The following FRMPD2 variants were observed in gnomAD, a reference collection of about 807,000 sequenced individuals.
FRMPD2 encodes the protein FERM and PDZ domain containing 2.
FRMPD2 carries 96 observed loss-of-function variants against 140.1 expected under a neutral mutation model. The observed-to-expected ratio is 0.69, with a 90% CI of 0.58 to 0.81. FRMPD2 has a LOEUF of 0.81. FRMPD2 is among the 40% of genes least tolerant of loss of function. The probability of loss-of-function intolerance (pLI) is 0.00; values close to 1 mark genes in which losing one functional copy is unlikely to be tolerated. For synonymous variants in FRMPD2, 449 were observed against 547.6 expected, an observed-to-expected ratio of 0.82 and a Z score of 2.52; for missense variants, 1,240 against 1,447.4, an observed-to-expected ratio of 0.86 and a Z score of 2.32.
At chr10:48,241,956 C>T in intron 5 of FRMPD2, 1 of 390,108 alleles carries the variant, frequency 2.6e-6, no homozygotes, top group African/African-American at 2.0e-5. Flanking sequence ...AATAGAACTG[C>T]AATGACAAGA....
In FRMPD2 at chr10:48,213,181, T is replaced by C. The variant is rs1297832727; in HGVS notation, c.1456-1072A>G. Among the ~76,000 whole-genome samples the C allele has an allele frequency of 3.3e-5, 5 of 152,206 alleles. No homozygotes were observed. The East Asian group carries it at 7.7e-4, about 23-fold the overall frequency. ...GATGTAGCATGTCCCCATGTGGCCATGGACCAAGAATCCTCAGGTTGGTGC... is the reference window on the plus strand; with the variant it reads ...GATGTAGCATGTCCCCATGTGGCCACGGACCAAGAATCCTCAGGTTGGTGC... On this transcript the variant is annotated intron_variant, in intron 12 of 28. Coordinates refer to ENST00000374201, the MANE Select transcript of FRMPD2 (RefSeq NM_001018071.4).
intron 16 of FRMPD2, among the ~76,000 whole-genome samples, chr10:48,191,708 A>C (rs1838834048): frequency 6.6e-6 from 1 of 152,166 alleles, no homozygotes; most frequent in Admixed American, 6.5e-5. Context: ...AGCAACCTTC[A>C]TTGGTCATAT....
Position 48,237,972 on chromosome 10 carries a change from T to A in FRMPD2, c.921+19A>T, listed in dbSNP as rs1840008215. On this transcript the variant is annotated intron_variant, in intron 8 of 28. Coordinates refer to ENST00000374201, the MANE Select transcript of FRMPD2 (RefSeq NM_001018071.4). ...CTCAAGCCTCCTTGAGGAGTGTCCT[T>A]CAGCCTTATTTTGCTTACCTTGCTC... 6.2e-7 allele frequency: 1 copy of A among 1,613,986 alleles called. No individual in the cohort carries two copies. Among genetic ancestry groups the A allele is most frequent in the Non-Finnish European group, 8.5e-7 (1 of 1,179,998 alleles).
chr10:48,270,038 T>G (rs1840740370), intron 1 of FRMPD2, among the ~76,000 whole-genome samples: 1 of 152,142 alleles, frequency 6.6e-6, no homozygotes, highest in Non-Finnish European at 1.5e-5. Context: ...AAACCGAAAG[T>G]GACTATTTCT....
At chr10:48,203,621 T>C (rs1296293669) in intron 14 of FRMPD2, among the ~76,000 whole-genome samples, 1 of 152,206 alleles carries the variant, frequency 6.6e-6, no homozygotes, top group Admixed American at 6.5e-5. Flanking sequence ...GGAGTTCTTT[T>C]TTTTCTGTTG....
chr10:48,228,562 G>A (rs1839777435), intron 10 of FRMPD2, among the ~76,000 whole-genome samples: 1 of 151,928 alleles, frequency 6.6e-6, no homozygotes, highest in Non-Finnish European at 1.5e-5. Flanking sequence ...AATGTGCTAT[G>A]AGGAAGCATA....
At chr10:48,237,630 C>T (rs1221771400) in intron 8 of FRMPD2, among the ~76,000 whole-genome samples, 1 of 152,096 alleles carries the variant, frequency 6.6e-6, no homozygotes, top group Admixed American at 6.5e-5. Flanking sequence ...ATCTATGCTC[C>T]CACCTTTCAC....
intron 15 of FRMPD2, among the ~76,000 whole-genome samples, chr10:48,198,256 AT>A (rs912863583): frequency 1.3e-5 from 2 of 152,210 alleles, no homozygotes; most frequent in Non-Finnish European, 2.9e-5. Context: ...TAACAGTAAC[AT>A]TTTGGTGCAG....
At chr10:48,213,530 T>A (rs1204872320) in intron 12 of FRMPD2, among the ~76,000 whole-genome samples, 2 of 152,356 alleles carry the variant, frequency 1.3e-5, no homozygotes, top group East Asian at 3.9e-4. Flanking sequence ...TGCACACAGA[T>A]GTTTATAACA....
Position 48,249,097 on chromosome 10 carries a change from T to C in FRMPD2, c.233A>G (p.His78Arg), listed in dbSNP as rs186710350. ...GGCCTTGAAAGGAGCAGCCTCTATATGAGAAACACGGCCTTGGAAAGAAAG... is the reference window on the plus strand; with the variant it reads ...GGCCTTGAAAGGAGCAGCCTCTATACGAGAAACACGGCCTTGGAAAGAAAG... ...GSLSFQGRVS[H>R]IEAAPFKAPE... Residue 78 changes from histidine to arginine, a missense_variant, in exon 3 of 29, where the codon CAT (histidine) becomes CGT (arginine). His to Arg is a conservative substitution (Grantham distance 29). This residue lies in a region of FRMPD2 where 1,161 missense variants were observed against 1,055.9 expected (regional missense o/e 1.10). Transcript: ENST00000374201. 2 of 1,613,860 alleles carry C rather than the reference T, an allele frequency of 1.2e-6. No individual in the cohort carries two copies. Among genetic ancestry groups the C allele is most frequent in the African/African-American group, 1.3e-5 (1 of 74,904 alleles).
intron 2 of FRMPD2, 93 bp downstream of exon 2, chr10:48,251,473 A>ATAAAAAAATTTT (rs141795119): frequency 1.3e-6 from 2 of 1,516,384 alleles, no homozygotes; most frequent in African/African-American, 2.8e-5. Context: ...TCAGAGGTTG[A>ATAAAAAAATTTT]TTTAAAAAAG....
chr10:48,187,132 A>G (rs1838706876), intron 17 of FRMPD2, 60 bp downstream of exon 17: 1 of 1,177,562 alleles, frequency 8.5e-7, no homozygotes, highest in Non-Finnish European at 1.2e-6. Context: ...AAAAGACTCA[A>G]AGCAAGCTTC....
chr10:48,177,847 G>T, intron 22 of FRMPD2, 200 bp downstream of exon 22: 1 of 455,716 alleles, frequency 2.2e-6, no homozygotes, highest in South Asian at 2.4e-5. Flanking sequence ...TGCATGCCCT[G>T]CTCATCCTGA....
chr10:48,192,707 A>G lies in FRMPD2; in HGVS notation c.2142T>C (p.Ala714=), dbSNP rs1838858972. The G allele has an allele frequency of 6.2e-7, 1 of 1,614,140 alleles. No individual in the cohort carries two copies. The highest frequency in any genetic ancestry group is 1.7e-4 in the Middle Eastern group (1 of 6,050). Residue 714 remains alanine, a synonymous_variant, in exon 16 of 29, where the codon GCT becomes GCC. Coordinates refer to ENST00000374201, the MANE Select transcript of FRMPD2 (RefSeq NM_001018071.4). ...ACCTGCGCCCGATGCCTTCTGCTCC[A>G]GCCTCCTTGCTGCCGTCCACGTTGA... The part of the protein sequence containing the change: ...DNFNVDGSKE[A]GAEGIGRSPC...
intron 6 of FRMPD2, 107 bp downstream of exon 6, chr10:48,240,253 T>C (rs953939409): frequency 8.5e-5 from 108 of 1,271,586 alleles, no homozygotes; most frequent in Non-Finnish European, 1.1e-4. Context: ...GGCACTTACA[T>C]AGGCTTTCTC....
intron 14 of FRMPD2, among the ~76,000 whole-genome samples, chr10:48,204,123 C>T (rs1299738049): frequency 6.6e-6 from 1 of 152,124 alleles, no homozygotes; most frequent in South Asian, 2.1e-4. Flanking sequence ...ATACCCAGCC[C>T]CCGAAGGAAG....
rs1460853232 is a variant in FRMPD2 at position 48,212,090 on chromosome 10, T to C, written c.1475A>G (p.Tyr492Cys). The change falls in exon 13 of 29, where the codon TAC becomes TGC. Residue 492 changes from tyrosine to cysteine, a missense_variant. Tyr to Cys is a radical substitution (Grantham distance 194, BLOSUM62 -2). Coordinates refer to ENST00000374201, the MANE Select transcript of FRMPD2 (RefSeq NM_001018071.4). ...TGGGATGTAATCTTCAACGTGAAAG[T>C]ATGGCTTACTCTCCACCTGCTGGAA... ...YPKEQVESKPYFHVEDYIPAS... is the reference protein window; with the variant it reads ...YPKEQVESKPCFHVEDYIPAS... 6.2e-7 allele frequency: 1 copy of C among 1,614,006 alleles called. No homozygotes were observed. The highest frequency in any genetic ancestry group is 1.1e-5 in the South Asian group (1 of 91,058).
In FRMPD2 at chr10:48,192,726, A is replaced by G; in HGVS notation, c.2123T>C (p.Val708Ala). ...TGCTCCAGCCTCCTTGCTGCCGTCC[A>G]CGTTGAAGTTATCCATTGATGTACT... ...LLSTSMDNFN[V>A]DGSKEAGAEG... The change falls in exon 16 of 29, where the codon GTG (valine) becomes GCG (alanine). Residue 708 changes from valine (V) to alanine (A), a missense_variant. By Grantham distance (64) the Val-to-Ala change is moderately conservative. Transcript: ENST00000374201. 1 of 1,614,202 alleles carries G rather than the reference A, an allele frequency of 6.2e-7. No individual in the cohort carries two copies. Among genetic ancestry groups the G allele is most frequent in the Non-Finnish European group, 8.5e-7 (1 of 1,180,034 alleles).
intron 10 of FRMPD2, among the ~76,000 whole-genome samples, chr10:48,226,622 CT>C (rs776641783): frequency 2.0e-5 from 3 of 152,226 alleles, no homozygotes; most frequent in Non-Finnish European, 4.4e-5. Flanking sequence ...CATCCTCCCT[CT>C]CCTGGAAGGA....
Sources: allele counts gnomAD v4.1 joint callset (sites outside exome capture counted in the v4.1 genomes callset), GRCh38; gene constraint gnomAD v4.1.1; regional missense constraint gnomAD v4.1.1; transcripts MANE v1.5; gene names NCBI Gene and HGNC (gene_info 2026-07-23, HGNC 2026-07-21).